The following PARD3B variants were observed in gnomAD, a reference collection of about 807,000 sequenced individuals.
PARD3B encodes partitioning defective 3 homolog B.
Under a neutral mutation model 130.2 loss-of-function variants are expected in PARD3B, and 103 were observed. That is an observed-to-expected ratio of 0.79 (90% CI 0.67 to 0.93). The LOEUF is 0.93. Among genes scored for constraint, PARD3B ranks in the 40% least tolerant of loss-of-function variants. PARD3B has a pLI of 0.00. For missense variants in PARD3B, 1,609 were observed against 1,499.2 expected (o/e 1.07, Z -1.21); for synonymous variants, 583 against 553.2 (o/e 1.05, Z -0.76).
chr2:205,170,201 G>A (rs1307025418), intron 11 of PARD3B, among the ~76,000 whole-genome samples: 4 of 152,074 alleles, frequency 2.6e-5, no homozygotes, highest in Non-Finnish European at 5.9e-5. Context: ...GAGTGCTGGG[G>A]TTACAGGTGT....
rs941229824 is a variant in PARD3B at position 205,187,859 on chromosome 2, G to A, written c.2024+1996G>A. 7.9e-5 allele frequency among the ~76,000 whole-genome samples: 12 copies of A among 152,026 alleles called. No individual in the cohort carries two copies. The highest frequency in any genetic ancestry group is 1.6e-4 in the Non-Finnish European group (11 of 68,006). ...TAGAACTGCTCTCTTAATCATCAAC[G>A]GTAATCTCCTTTCAGTCAAAAGTAT... On this transcript the variant is annotated intron_variant, in intron 14 of 22. Transcript: ENST00000406610. This position sits in a 1 kb window ranked among gnomAD's most constrained non-coding sequence, Gnocchi z 4.9.
Position 205,553,023 on chromosome 2 carries a change from AAAGAAG to A in PARD3B, c.3181-283_3181-278del, listed in dbSNP as rs71712626. Among the ~76,000 whole-genome samples the A allele has an allele frequency of 5.1e-3, 778 of 151,442 alleles. 2 individuals are homozygous for A. Among genetic ancestry groups the A allele is most frequent in the Non-Finnish European group, 7.4e-3 (505 of 67,854 alleles). On this transcript the variant is annotated intron_variant, in intron 21 of 22. Transcript: ENST00000406610. ...CTAAAAACTAAAGTCGGTTTTAAAA[AAAGAAG>A]AAGAAGAAGAAGAAGAAAATAGTCT...
intron 10 of PARD3B, among the ~76,000 whole-genome samples, chr2:205,157,483 A>AT (rs1373761411): frequency 6.6e-6 from 1 of 152,076 alleles, no homozygotes; most frequent in Non-Finnish European, 1.5e-5. Flanking sequence ...TTAGCTGTGG[A>AT]TTTTCTCTAT....
At chr2:205,166,535 A>T (rs974230767) in intron 11 of PARD3B, among the ~76,000 whole-genome samples, 8 of 152,208 alleles carry the variant, frequency 5.3e-5, no homozygotes, top group Admixed American at 2.0e-4. Context: ...TTGTTTTAAC[A>T]ACTGTACTTT....
chr2:205,398,245 G>C (rs57531776), intron 18 of PARD3B, among the ~76,000 whole-genome samples: 1 of 152,122 alleles, frequency 6.6e-6, no homozygotes, highest in Non-Finnish European at 1.5e-5. Context: ...AGGTTGCAGT[G>C]AGCCGAGATC....
At chr2:204,633,794 A>G (rs2034774203) in intron 1 of PARD3B, among the ~76,000 whole-genome samples, 2 of 152,218 alleles carry the variant, frequency 1.3e-5, no homozygotes, top group Admixed American at 6.5e-5. Flanking sequence ...CCTGGGCAAC[A>G]GAGCGAGACT....
intron 1 of PARD3B, among the ~76,000 whole-genome samples, chr2:204,602,085 G>T (rs2033536091): frequency 6.6e-6 from 1 of 152,014 alleles, no homozygotes; most frequent in Non-Finnish European, 1.5e-5. Flanking sequence ...CTTGAAGAAT[G>T]AGACAAAATA....
At chr2:204,946,040 C>G (rs560247523) in intron 2 of PARD3B, among the ~76,000 whole-genome samples, 1 of 152,320 alleles carries the variant, frequency 6.6e-6, no homozygotes, top group East Asian at 1.9e-4. Flanking sequence ...CCCTCTATAC[C>G]TTGCTTAACA....
At chr2:205,211,262 A>C (rs2037618110) in intron 15 of PARD3B, among the ~76,000 whole-genome samples, 1 of 152,074 alleles carries the variant, frequency 6.6e-6, no homozygotes, top group African/African-American at 2.4e-5. Flanking sequence ...CTTTTATAAG[A>C]CTGAAAAGTG....
At chr2:204,737,319 T>C (rs559398640) in intron 2 of PARD3B, among the ~76,000 whole-genome samples, 1 of 152,370 alleles carries the variant, frequency 6.6e-6, no homozygotes, top group South Asian at 2.1e-4. Flanking sequence ...ATTGTGGTTT[T>C]AATTTGCATT....
intron 4 of PARD3B, among the ~76,000 whole-genome samples, chr2:205,073,942 A>G (rs1700890027): frequency 6.6e-6 from 1 of 152,216 alleles, no homozygotes; most frequent in Admixed American, 6.5e-5. Flanking sequence ...TGAACAACCT[A>G]GCCCACACAT....
In PARD3B at chr2:205,101,136, C is replaced by G. The variant is rs550815227; in HGVS notation, c.505-3290C>G. Among the ~76,000 whole-genome samples, 58 of 151,888 alleles carry G rather than the reference C, an allele frequency of 3.8e-4. 1 individual carries two copies. The highest frequency in any genetic ancestry group is 2.1e-3 in the South Asian group (10 of 4,806). On this transcript the variant is annotated intron_variant, in intron 4 of 22. Coordinates refer to ENST00000406610, the MANE Select transcript of PARD3B (RefSeq NM_001302769.2). Reference sequence around the variant, plus strand: ...AATATTTAAAGAACTCTCTACAGGTCAATAATAAAAAGACAAATAGACATT... The same window carrying G: ...AATATTTAAAGAACTCTCTACAGGTGAATAATAAAAAGACAAATAGACATT...
chr2:205,617,821 A>T lies in PARD3B; in HGVS notation c.*2008A>T, dbSNP rs1490446820. 6.6e-6 allele frequency: 1 copy of T among 152,210 alleles called. No homozygotes were observed. Among genetic ancestry groups the T allele is most frequent in the Non-Finnish European group, 1.5e-5 (1 of 68,052 alleles). 9.4% of individuals were successfully genotyped at this position (152,210 alleles called of 1,614,324 possible). ...GAAAATGATAACACGAGGGACGTGT[A>T]ACTTGTTTTGAAGCATTAAAAACCA... On this transcript the variant is annotated 3_prime_UTR_variant, in exon 23 of 23. Transcript: ENST00000406610.
At chr2:205,566,168 T>C (rs1575379068) in intron 22 of PARD3B, among the ~76,000 whole-genome samples, 1 of 152,282 alleles carries the variant, frequency 6.6e-6, no homozygotes, top group Non-Finnish European at 1.5e-5. Flanking sequence ...AGTCAGACCA[T>C]GAGTGGTCAA....
chr2:205,096,576 G>A (rs1020153115), intron 4 of PARD3B, among the ~76,000 whole-genome samples: 1 of 152,140 alleles, frequency 6.6e-6, no homozygotes, highest in Non-Finnish European at 1.5e-5. Flanking sequence ...TAGACTTTTA[G>A]TGCATTTTAC....
rs571377613 is a variant in PARD3B at position 205,505,136 on chromosome 2, A to C, written c.3180+5105A>C. Among the ~76,000 whole-genome samples, 866 of 152,228 alleles carry C rather than the reference A, an allele frequency of 5.7e-3. 4 individuals are homozygous for C. Among genetic ancestry groups the C allele is most frequent in the African/African-American group, 0.02 (816 of 41,532 alleles). On this transcript the variant is annotated intron_variant, in intron 21 of 22. Coordinates refer to ENST00000406610, the MANE Select transcript of PARD3B (RefSeq NM_001302769.2). ...ACCATCATTCTCAGCAAACTATCGC[A>C]AGGACAGAAAACCAAACACCGCATG...
rs561944957 is a variant in PARD3B at position 204,820,320 on chromosome 2, A to AC, written c.222+134044dup. On this transcript the variant is annotated intron_variant, in intron 2 of 22. Transcript: ENST00000406610. The stretch of plus-strand genomic sequence containing the variant: ...TTGAACTCCCGACCTTAAGTGATCC[A>AC]CCCCCCTTGGCCTCCCAAAGTGCTG... Among the ~76,000 whole-genome samples, 526 of 147,712 alleles carry AC rather than the reference A, an allele frequency of 3.6e-3. 1 individual carries two copies. The highest frequency in any genetic ancestry group is 5.7e-3 in the Non-Finnish European group (383 of 66,780).
chr2:205,353,085 C>CT (rs1436456575), intron 18 of PARD3B, among the ~76,000 whole-genome samples: 2 of 152,184 alleles, frequency 1.3e-5, no homozygotes, highest in Non-Finnish European at 2.9e-5. Flanking sequence ...CTACAGATGT[C>CT]TTTAACTCGT....
chr2:204,652,003 G>T lies in PARD3B; in HGVS notation c.121-34178G>T, dbSNP rs375975986. Among the ~76,000 whole-genome samples the T allele has an allele frequency of 2.7e-3, 407 of 152,274 alleles. 5 individuals are homozygous for T. The highest frequency in any genetic ancestry group is 9.4e-3 in the African/African-American group (392 of 41,560). On this transcript the variant is annotated intron_variant, in intron 1 of 22. Coordinates refer to ENST00000406610, the MANE Select transcript of PARD3B (RefSeq NM_001302769.2). The stretch of plus-strand genomic sequence containing the variant: ...GGCAGCACAGAACATCTAGGCCCTG[G>T]ACCTGGCCCATGAAATCATCTTTCC...
Sources: allele counts gnomAD v4.1 joint callset (sites outside exome capture counted in the v4.1 genomes callset), GRCh38; gene constraint gnomAD v4.1.1; non-coding constraint Gnocchi (gnomAD v3.1); transcripts MANE v1.5; gene names NCBI Gene and HGNC (gene_info 2026-07-23, HGNC 2026-07-21).